The following LRBA variants were observed in gnomAD, a reference collection of about 807,000 sequenced individuals.
LRBA encodes the protein LPS responsive beige-like anchor protein.
A neutral mutation model predicts 330.0 loss-of-function variants in LRBA; 176 were observed. The observed-to-expected ratio is 0.53, with a 90% CI of 0.47 to 0.60. LRBA has a LOEUF of 0.60. LRBA is among the 20% of genes least tolerant of loss of function. The pLI is 0.00. For missense variants in LRBA, 3,259 were observed against 3,444.8 expected (o/e 0.95, Z 1.35); for synonymous variants, 1,230 against 1,193.0 (o/e 1.03, Z -0.64).
chr4:150,859,914 C>T (rs1751682873), intron 22 of LRBA, among the ~76,000 whole-genome samples: 1 of 152,138 alleles, frequency 6.6e-6, no homozygotes, highest in Non-Finnish European at 1.5e-5. Context: ...ATTATAAAAT[C>T]TTCAGAACTT....
intron 48 of LRBA, among the ~76,000 whole-genome samples, chr4:150,341,711 A>AAT (rs1385473790): frequency 1.1e-4 from 17 of 151,004 alleles, no homozygotes; most frequent in East Asian, 5.8e-4. Flanking sequence ...CCATATATAT[A>AAT]ATATATATAT....
At chr4:150,875,590 A>G (rs918550970) in intron 17 of LRBA, among the ~76,000 whole-genome samples, 1 of 152,232 alleles carries the variant, frequency 6.6e-6, no homozygotes, top group Non-Finnish European at 1.5e-5. Context: ...ACAGCCCAAT[A>G]TAAAACCTGC....
intron 2 of LRBA, among the ~76,000 whole-genome samples, chr4:150,929,645 A>G (rs1734242415): frequency 6.6e-6 from 1 of 152,204 alleles, no homozygotes; most frequent in Non-Finnish European, 1.5e-5. Context: ...TGATATTACT[A>G]TCAGAACGCT....
intron 2 of LRBA, among the ~76,000 whole-genome samples, chr4:150,958,339 G>A (rs1175637646): frequency 1.3e-5 from 2 of 149,106 alleles, no homozygotes; most frequent in Non-Finnish European, 2.9e-5. Flanking sequence ...GCAATGGTGT[G>A]AGCTGTATAT....
intron 40 of LRBA, among the ~76,000 whole-genome samples, chr4:150,548,752 T>C (rs2152241130): frequency 6.6e-6 from 1 of 152,326 alleles, no homozygotes; most frequent in South Asian, 2.1e-4. Flanking sequence ...CCCTTACTAA[T>C]TGTCTGACAT....
intron 44 of LRBA, among the ~76,000 whole-genome samples, chr4:150,437,826 A>C (rs1751324830): frequency 6.6e-6 from 1 of 152,320 alleles, no homozygotes; most frequent in South Asian, 2.1e-4. Context: ...AAAGAGTTTG[A>C]ATGAAATAAT....
intron 2 of LRBA, among the ~76,000 whole-genome samples, chr4:150,946,384 A>G (rs981753146): frequency 2.0e-5 from 3 of 152,296 alleles, no homozygotes; most frequent in Admixed American, 1.3e-4. Flanking sequence ...TACAAACTCA[A>G]CAAATTTAAA....
intron 40 of LRBA, among the ~76,000 whole-genome samples, chr4:150,498,704 A>G (rs1014736558): frequency 2.0e-5 from 3 of 152,154 alleles, no homozygotes; most frequent in African/African-American, 7.2e-5. Flanking sequence ...ACCTTTTAAA[A>G]TACAAACAAA....
At chr4:150,645,215 T>TTC (rs1554071836) in intron 37 of LRBA, among the ~76,000 whole-genome samples, 1 of 151,084 alleles carries the variant, frequency 6.6e-6, no homozygotes, top group Admixed American at 6.6e-5. Flanking sequence ...TTTTTTTTTT[T>TTC]CTGAGAAAAA....
intron 46 of LRBA, among the ~76,000 whole-genome samples, chr4:150,418,950 CTA>C (rs1748175924): frequency 1.3e-5 from 2 of 152,022 alleles, no homozygotes; most frequent in Non-Finnish European, 2.9e-5. Flanking sequence ...TTCTCAAAAT[CTA>C]CAGTCAGCAT....
intron 36 of LRBA, among the ~76,000 whole-genome samples, chr4:150,704,632 T>C (rs1785440138): frequency 1.3e-5 from 2 of 152,128 alleles, no homozygotes; most frequent in South Asian, 2.1e-4. Flanking sequence ...AAGCATTTCA[T>C]ATGCTTATAG....
intron 47 of LRBA, among the ~76,000 whole-genome samples, chr4:150,397,311 C>T (rs1744863770): frequency 6.6e-6 from 1 of 152,078 alleles, no homozygotes; most frequent in African/African-American, 2.4e-5. Context: ...CAGGGTCTTG[C>T]TCTGTTGCCT....
intron 33 of LRBA, among the ~76,000 whole-genome samples, chr4:150,798,869 T>C (rs1373541465): frequency 1.3e-5 from 2 of 152,164 alleles, no homozygotes; most frequent in Non-Finnish European, 2.9e-5. Flanking sequence ...ATTATTAAAT[T>C]GCATTACTAG....
At chr4:150,386,593 G>T (rs1162987329) in intron 47 of LRBA, among the ~76,000 whole-genome samples, 1 of 152,060 alleles carries the variant, frequency 6.6e-6, no homozygotes, top group East Asian at 1.9e-4. Context: ...CAAAAGACAT[G>T]ATCTCATTCT....
intron 35 of LRBA, among the ~76,000 whole-genome samples, chr4:150,751,396 A>T (rs1458382484): frequency 6.6e-6 from 1 of 152,092 alleles, no homozygotes; most frequent in African/African-American, 2.4e-5. Context: ...TGAAAATATT[A>T]AAATGACTTC....
At chr4:150,353,059 C>G (rs963463089) in intron 47 of LRBA, among the ~76,000 whole-genome samples, 1 of 152,080 alleles carries the variant, frequency 6.6e-6, no homozygotes, top group Non-Finnish European at 1.5e-5. Context: ...AGGGAAGGAC[C>G]TATGCATATC....
intron 33 of LRBA, among the ~76,000 whole-genome samples, chr4:150,799,221 T>C (rs1479264919): frequency 6.6e-6 from 1 of 152,174 alleles, no homozygotes. Context: ...TCTGAAAAAA[T>C]ATGTAACATA....
chr4:150,818,001 G>C (rs1382233400), intron 30 of LRBA, among the ~76,000 whole-genome samples: 1 of 152,108 alleles, frequency 6.6e-6, no homozygotes, highest in Non-Finnish European at 1.5e-5. Flanking sequence ...TCCCACAGCA[G>C]TGCTTACTTT....
chr4:150,431,381 A>G (rs1207623177), intron 46 of LRBA, among the ~76,000 whole-genome samples: 1 of 152,216 alleles, frequency 6.6e-6, no homozygotes, highest in Non-Finnish European at 1.5e-5. Flanking sequence ...CATTCTTTCC[A>G]TAAGCCCAAA....
Sources: gnomAD v4.1 joint callset for allele counts (sites outside exome capture counted in the v4.1 genomes callset) on GRCh38, gnomAD v4.1.1 for gene constraint, MANE v1.5 for transcripts, NCBI Gene and HGNC (gene_info 2026-07-23, HGNC 2026-07-21) for gene names.